TSFM: variants seen among roughly 807,000 people sequenced by gnomAD.
The protein encoded by TSFM is Ts translation elongation factor, mitochondrial.
In TSFM, 29 loss-of-function variants were observed where a neutral mutation model predicts 33.4. The ratio of observed to expected loss-of-function variants is 0.87; its 90% CI spans 0.65 to 1.18. The LOEUF is 1.18. TSFM is among the 50% of genes most tolerant of loss of function. TSFM has a pLI of 0.00. For synonymous variants in TSFM, 178 were observed against 163.5 expected (o/e 1.09, Z -0.68); for missense variants, 394 against 395.6 (o/e 1.00, Z 0.04).
At position 57,787,026 on chromosome 12, in the gene TSFM, A is replaced by AT. The variant is rs1565821567; in HGVS notation, c.361-11dup. 1 of 1,612,482 alleles carries AT rather than the reference A, an allele frequency of 6.2e-7. No homozygotes were observed. The highest frequency in any genetic ancestry group is 1.1e-5 in the South Asian group (1 of 90,904). The stretch of plus-strand genomic sequence containing the variant: ...TTAAACAGCTTATACAGCTATATCA[A>AT]TTTGTTCCCACAGGTAAACTGTGAG... On this transcript the variant is annotated splice_polypyrimidine_tract_variant and intron_variant, in intron 3 of 5. Transcript: ENST00000652027.
At chr12:57,796,082 T>C in intron 5 of TSFM, 95 bp from the exon 6 acceptor site, 1 of 1,116,812 alleles carries the variant, frequency 9.0e-7, no homozygotes. Flanking sequence ...GCAAAGGGAC[T>C]GTCTTCCAAA....
chr12:57,793,159 A>T (rs964832049), intron 5 of TSFM, 86 bp downstream of exon 5: 11 of 1,180,816 alleles, frequency 9.3e-6, no homozygotes, highest in Non-Finnish European at 9.9e-6. Flanking sequence ...GTCAAGAATC[A>T]TGTGCCTACA....
chr12:57,783,543 G>A, intron 2 of TSFM: 2 of 654,032 alleles, frequency 3.1e-6, no homozygotes, highest in Admixed American at 2.1e-5. Context: ...GAGCTTTGGA[G>A]TCAGATTGTT....
At chr12:57,784,121 C>G (rs541583643) in intron 2 of TSFM, 13 of 702,538 alleles carry the variant, frequency 1.9e-5, no homozygotes, top group South Asian at 1.8e-4. Context: ...GGCTACAAAC[C>G]GTTACAAAAT....
intron 3 of TSFM, 77 bp from the exon 4 acceptor site, chr12:57,786,962 AT>A: frequency 6.7e-7 from 1 of 1,482,932 alleles, no homozygotes; most frequent in Non-Finnish European, 9.1e-7. Context: ...CAGTATCTTG[AT>A]TTATTCTCCA....
downstream of TSFM, chr12:57,799,793 ACCT>A: frequency 1.2e-6 from 2 of 1,613,706 alleles, no homozygotes; most frequent in Middle Eastern, 1.6e-4. Context: ...TCAGCCACTC[ACCT>A]CCTTTTTGGC....
chr12:57,784,302 G>A, intron 2 of TSFM: 1 of 593,946 alleles, frequency 1.7e-6, no homozygotes, highest in Non-Finnish European at 3.0e-6. Flanking sequence ...GTGAGTCAGT[G>A]AGTGGTGAGT....
At chr12:57,787,613 G>A (rs571932572) in intron 4 of TSFM, among the ~76,000 whole-genome samples, 2 of 152,294 alleles carry the variant, frequency 1.3e-5, no homozygotes, top group African/African-American at 4.8e-5. Flanking sequence ...ATTTGGAATG[G>A]TCTTAGGAAA....
Position 57,796,763 on chromosome 12 carries a change from T to C in TSFM, c.*180T>C. The stretch of plus-strand genomic sequence containing the variant: ...ATACTGGATTTAGCTTTTCTGTGCC[T>C]TTCAAAAACAACAGGTGGGCCTTAT... On this transcript the variant is annotated 3_prime_UTR_variant, in exon 6 of 6. Transcript: ENST00000652027. 8.2e-7 allele frequency: 1 copy of C among 1,221,038 alleles called. No individual in the cohort carries two copies. The highest frequency in any genetic ancestry group is 1.0e-6 in the Non-Finnish European group (1 of 981,736). 75.6% of individuals were successfully genotyped at this position (1,221,038 alleles called of 1,614,324 possible).
rs553180020 is a variant in TSFM at position 57,796,792 on chromosome 12, C to T, written c.*209C>T. Reference sequence around the variant, plus strand: ...AAAAACAACAGGTGGGCCTTATTGACGTGATAGTGTCGTGGAGAACAGGCA... The same window carrying T: ...AAAAACAACAGGTGGGCCTTATTGATGTGATAGTGTCGTGGAGAACAGGCA... On this transcript the variant is annotated 3_prime_UTR_variant, in exon 6 of 6. Coordinates refer to ENST00000652027, the MANE Select transcript of TSFM (RefSeq NM_005726.6). The T allele has an allele frequency of 2.2e-5, 26 of 1,197,336 alleles. No individual in the cohort carries two copies. The highest frequency in any genetic ancestry group is 3.3e-4 in the Middle Eastern group (1 of 3,048). The allele number at this position is 1,197,336 out of a possible 1,614,324, so 74.2% of individuals were successfully genotyped here.
At chr12:57,801,004 A>C (rs2140437394), downstream of TSFM, 2 of 618,110 alleles carry the variant, frequency 3.2e-6, no homozygotes, top group East Asian at 5.8e-5. Context: ...TATTGATTAC[A>C]AAAAGTCTTT....
chr12:57,802,073 C>G (rs142678028), downstream of TSFM: 5 of 1,442,278 alleles, frequency 3.5e-6, no homozygotes, highest in Non-Finnish European at 4.8e-6. Context: ...TTCACTGAGC[C>G]GTGAATCAGT....
intron 5 of TSFM, among the ~76,000 whole-genome samples, chr12:57,795,289 G>A (rs961586167): frequency 6.6e-6 from 1 of 151,006 alleles, no homozygotes; most frequent in Non-Finnish European, 1.5e-5. Flanking sequence ...TAGTAGAGAC[G>A]GGGTTTCTCC....
intron 4 of TSFM, among the ~76,000 whole-genome samples, chr12:57,790,988 G>A (rs1955654989): frequency 6.6e-6 from 1 of 150,380 alleles, no homozygotes; most frequent in Non-Finnish European, 1.5e-5. Context: ...TTATGGGCAT[G>A]AGCCACGGCA....
At chr12:57,789,370 A>G (rs1418525957) in intron 4 of TSFM, among the ~76,000 whole-genome samples, 2 of 152,144 alleles carry the variant, frequency 1.3e-5, no homozygotes, top group Non-Finnish European at 2.9e-5. Flanking sequence ...TTATATAACC[A>G]CAGGACAGTG....
intron 4 of TSFM, among the ~76,000 whole-genome samples, chr12:57,791,598 T>C (rs2140422879): frequency 6.6e-6 from 1 of 152,364 alleles, no homozygotes. Flanking sequence ...TAATAATATG[T>C]CCTGGAAATA....
chr12:57,795,319 C>G (rs1955719234), intron 5 of TSFM, among the ~76,000 whole-genome samples: 1 of 149,298 alleles, frequency 6.7e-6, no homozygotes, highest in Non-Finnish European at 1.5e-5. Flanking sequence ...AGGCTGGTCT[C>G]AAACTCACAA....
intron 4 of TSFM, among the ~76,000 whole-genome samples, chr12:57,788,975 T>A (rs1291290088): frequency 6.6e-6 from 1 of 151,048 alleles, no homozygotes; most frequent in Non-Finnish European, 1.5e-5. Context: ...CTTTTTTTTT[T>A]TTTTTTTTGA....
chr12:57,795,240 A>G (rs890240485), intron 5 of TSFM, among the ~76,000 whole-genome samples: 2 of 151,660 alleles, frequency 1.3e-5, no homozygotes, highest in African/African-American at 4.8e-5. Context: ...CTGGGATTAC[A>G]GGCATGTGCC....
Sources: gnomAD v4.1 joint callset for allele counts (sites outside exome capture counted in the v4.1 genomes callset) on GRCh38, gnomAD v4.1.1 for gene constraint, MANE v1.5 for transcripts, NCBI Gene and HGNC (gene_info 2026-07-23, HGNC 2026-07-21) for gene names.